KYNU: variants seen among roughly 807,000 people sequenced by gnomAD.
KYNU encodes L-kynurenine hydrolase.
In KYNU, 54 loss-of-function variants were observed where a neutral mutation model predicts 59.2. That is an observed-to-expected ratio of 0.91 (90% CI 0.73 to 1.14). KYNU has a LOEUF of 1.14. KYNU is among the 50% of genes most tolerant of loss of function. KYNU has a pLI of 0.00. For synonymous variants in KYNU, 177 were observed against 192.0 expected (o/e 0.92, Z 0.65); for missense variants, 567 against 554.4 (o/e 1.02, Z -0.23).
intron 3 of KYNU, among the ~76,000 whole-genome samples, chr2:142,925,517 G>A (rs1020127391): frequency 6.6e-6 from 1 of 152,130 alleles, no homozygotes; most frequent in Admixed American, 6.6e-5. Context: ...TCTTTCACAT[G>A]TTATCTCATT....
At position 142,885,378 on chromosome 2, in the gene KYNU, C is replaced by A. The variant is rs757769470; in HGVS notation, c.11C>A (p.Ser4Ter). The A allele has an allele frequency of 6.2e-7, 1 of 1,613,864 alleles. No homozygotes were observed. Among genetic ancestry groups the A allele is most frequent in the South Asian group, 1.1e-5 (1 of 91,048 alleles). ...AGAGAACAACTTGTAATGGAGCCTT[C>A]ATCTCTTGAGCTGCCGGCTGACACA... MEP[S>*]SLELPADTVQ... The change falls in exon 2 of 14, where the codon TCA (serine) becomes TAA (stop). Residue 4 changes from serine (S) to a stop codon, truncating the protein, a stop_gained. Transcript: ENST00000264170. LOFTEE classifies it high-confidence loss of function.
At chr2:143,014,326 G>A (rs955285181) in intron 10 of KYNU, among the ~76,000 whole-genome samples, 1 of 152,214 alleles carries the variant, frequency 6.6e-6, no homozygotes, top group African/African-American at 2.4e-5. Context: ...TAAGTATTGG[G>A]AACCTGAATC....
chr2:143,045,070 C>T lies in KYNU; in HGVS notation c.*2898C>T, dbSNP rs1687145216. The T allele has an allele frequency of 6.6e-6, 1 of 152,040 alleles. No homozygotes were observed. Among genetic ancestry groups the T allele is most frequent in the Admixed American group, 6.6e-5 (1 of 15,248 alleles). 9.4% of individuals were successfully genotyped at this position (152,040 alleles called of 1,614,324 possible). A position where few individuals can be genotyped will look rare whatever the true frequency, so the allele number is the denominator to read the frequency against. Reference sequence around the variant, plus strand: ...GCATATGGCTAGCCAGTTTTCCCAACACTATTTATTAAATAGGGAATCTTT... The same window carrying T: ...GCATATGGCTAGCCAGTTTTCCCAATACTATTTATTAAATAGGGAATCTTT... On this transcript the variant is annotated 3_prime_UTR_variant, in exon 14 of 14. Transcript: ENST00000264170.
intron 4 of KYNU, among the ~76,000 whole-genome samples, chr2:142,936,798 C>T (rs1683404346): frequency 6.6e-6 from 1 of 152,150 alleles, no homozygotes; most frequent in African/African-American, 2.4e-5. Flanking sequence ...GAGGAGTTTC[C>T]TTTGTCTGGC....
At chr2:142,901,090 A>T in intron 2 of KYNU, among the ~76,000 whole-genome samples, 1 of 150,364 alleles carries the variant, frequency 6.7e-6, no homozygotes, top group South Asian at 2.1e-4. Context: ...ATTGAAATGT[A>T]TGGCCTGCAG....
chr2:142,959,292 G>T (rs182302533), intron 7 of KYNU, among the ~76,000 whole-genome samples: 37 of 152,234 alleles, frequency 2.4e-4, no homozygotes, highest in African/African-American at 8.2e-4. Context: ...AGACAGCACT[G>T]GAGAAAATTC....
intron 2 of KYNU, among the ~76,000 whole-genome samples, chr2:142,894,298 T>C (rs1681799947): frequency 6.6e-6 from 1 of 152,168 alleles, no homozygotes; most frequent in South Asian, 2.1e-4. Flanking sequence ...AGAAGCTTGT[T>C]GGGAGCATAG....
chr2:143,016,721 A>T (rs999929065), intron 10 of KYNU, among the ~76,000 whole-genome samples: 1 of 152,058 alleles, frequency 6.6e-6, no homozygotes, highest in African/African-American at 2.4e-5. Context: ...CAGTTTGTTT[A>T]TTTCTTATTT....
chr2:142,887,193 C>T (rs1166590970), intron 2 of KYNU, among the ~76,000 whole-genome samples: 1 of 136,628 alleles, frequency 7.3e-6, no homozygotes, highest in South Asian at 2.3e-4. Context: ...ACAACAACAA[C>T]AAAATAGCAT....
intron 10 of KYNU, chr2:142,989,607 GTTC>G (rs1236631468): frequency 8.9e-5 from 54 of 607,454 alleles, no homozygotes; most frequent in South Asian, 5.8e-4. Flanking sequence ...TGAATTATGT[GTTC>G]TTCTTTTTGA....
chr2:142,918,802 T>C (rs1476458878), intron 3 of KYNU, 73 bp downstream of exon 3: 3 of 1,502,674 alleles, frequency 2.0e-6, no homozygotes, highest in Non-Finnish European at 1.8e-6. Context: ...GGTTGTCTAA[T>C]ATTTGGAAAG....
At position 143,053,329 on chromosome 2, in the gene KYNU, G is replaced by A. The variant is rs955816855; in HGVS notation, c.*11157G>A. Reference sequence around the variant, plus strand: ...AGGCTTCCCACAATCCTTGGCTTAAGGTCCATCTTTAAGCTTTGTCTCTGA... The same window carrying A: ...AGGCTTCCCACAATCCTTGGCTTAAAGTCCATCTTTAAGCTTTGTCTCTGA... On this transcript the variant is annotated 3_prime_UTR_variant, in exon 14 of 14. Transcript: ENST00000264170. 1 of 152,196 alleles carries A rather than the reference G, an allele frequency of 6.6e-6. No homozygotes were observed. The highest frequency in any genetic ancestry group is 2.1e-4 in the South Asian group (1 of 4,828). 9.4% of individuals were successfully genotyped at this position (152,196 alleles called of 1,614,324 possible).
chr2:143,024,824 T>TA (rs1041371618), intron 10 of KYNU, among the ~76,000 whole-genome samples: 2 of 152,100 alleles, frequency 1.3e-5, no homozygotes, highest in Admixed American at 6.5e-5. Context: ...ATTATAACTT[T>TA]AAAAAATATT....
Position 143,038,882 on chromosome 2 carries a change from CT to C in KYNU, c.1042-1544del, listed in dbSNP as rs1469213411. 3.3e-5 allele frequency among the ~76,000 whole-genome samples: 5 copies of C among 152,142 alleles called. No individual in the cohort carries two copies. The East Asian group carries it at 9.6e-4, about 29-fold the overall frequency. On this transcript the variant is annotated intron_variant, in intron 12 of 13. Coordinates refer to ENST00000264170, the MANE Select transcript of KYNU (RefSeq NM_003937.3). ...ATCACCAAATGACCCTATCTTTGCT[CT>C]TGATATCTTTGCTCATGACACAGAA... is the stretch of plus-strand genomic sequence containing the variant.
Position 142,993,857 on chromosome 2 carries a change from G to A in KYNU, c.902+7836G>A, listed in dbSNP as rs976032059. Among the ~76,000 whole-genome samples, 7 of 151,942 alleles carry A rather than the reference G, an allele frequency of 4.6e-5. No homozygotes were observed. In the South Asian group the frequency reaches 6.2e-4, roughly 14 times the overall value. ...TTAAAGCTATTCTTGCTTGTAAATC[G>A]CTACTCTCAGATAATGATGAAATAG... On this transcript the variant is annotated intron_variant, in intron 10 of 13. Coordinates refer to ENST00000264170, the MANE Select transcript of KYNU (RefSeq NM_003937.3).
chr2:142,972,027 A>G (rs187705621), intron 8 of KYNU, among the ~76,000 whole-genome samples: 389 of 152,312 alleles, frequency 2.6e-3, no homozygotes, highest in African/African-American at 8.4e-3. Flanking sequence ...TCAGAAATAA[A>G]TCAAACAAAC....
At chr2:142,889,354 C>T (rs1681624563) in intron 2 of KYNU, among the ~76,000 whole-genome samples, 1 of 152,148 alleles carries the variant, frequency 6.6e-6, no homozygotes, top group Non-Finnish European at 1.5e-5. Context: ...TTCTTGCTCC[C>T]TCGGTGTAGC....
chr2:143,001,610 A>C lies in KYNU; in HGVS notation c.902+15589A>C, dbSNP rs533837292. Among the ~76,000 whole-genome samples the C allele has an allele frequency of 5.3e-5, 8 of 152,252 alleles. No individual in the cohort carries two copies. In the South Asian group the frequency reaches 1.7e-3, roughly 32 times the overall value. On this transcript the variant is annotated intron_variant, in intron 10 of 13. Coordinates refer to ENST00000264170, the MANE Select transcript of KYNU (RefSeq NM_003937.3). ...GCTTCTGCTTTCCTGCTGGCTTGTT[A>C]AGATACTCAGTTTTACTCCCTCCTT...
chr2:143,032,265 G>A (rs1001438180), intron 11 of KYNU, among the ~76,000 whole-genome samples: 6 of 149,454 alleles, frequency 4.0e-5, no homozygotes, highest in Non-Finnish European at 7.4e-5. Context: ...GCAACAGAGC[G>A]AGACTCCATC....
Sources: gnomAD v4.1 joint callset for allele counts (sites outside exome capture counted in the v4.1 genomes callset) on GRCh38, gnomAD v4.1.1 for gene constraint, MANE v1.5 for transcripts, NCBI Gene and HGNC (gene_info 2026-07-23, HGNC 2026-07-21) for gene names.